The following PCDHGA6 variants were observed in gnomAD, a reference collection of about 807,000 sequenced individuals.
The protein encoded by PCDHGA6 is protocadherin gamma-A6.
Under a neutral mutation model 60.6 loss-of-function variants are expected in PCDHGA6, and 41 were observed. The ratio of observed to expected loss-of-function variants is 0.68; its 90% CI spans 0.53 to 0.88. PCDHGA6 has a LOEUF of 0.88. Among genes scored for constraint, PCDHGA6 ranks in the 40% least tolerant of loss-of-function variants. The pLI is 0.00. For synonymous variants in PCDHGA6, 594 were observed against 524.4 expected (o/e 1.13, Z -1.81); for missense variants, 1,312 against 1,203.0 (o/e 1.09, Z -1.34).
Position 141,432,110 on chromosome 5 carries a change from G to A in PCDHGA6, c.2424+55603G>A. On this transcript the variant is annotated intron_variant, in intron 1 of 3. Coordinates refer to ENST00000517434, the MANE Select transcript of PCDHGA6 (RefSeq NM_018919.3). This position sits in a 1 kb window ranked among gnomAD's most constrained non-coding sequence, Gnocchi z 6.0. ...GGCAGACACCAACGACAACCCGCCG[G>A]TCTTCCCTCAGGCCTCCTATTCCGC... 6.2e-7 allele frequency: 1 copy of A among 1,614,108 alleles called. No individual in the cohort carries two copies. Among genetic ancestry groups the A allele is most frequent in the Non-Finnish European group, 8.5e-7 (1 of 1,180,036 alleles).
In PCDHGA6 at chr5:141,410,139, T is replaced by C. The variant is rs73279096; in HGVS notation, c.2424+33632T>C. ...GCCCGCCAGCGCCTGCTGGTCGCTG[T>C]GCGTGACGGTGGACAGCCGCCACTC... On this transcript the variant is annotated intron_variant, in intron 1 of 3. Coordinates refer to ENST00000517434, the MANE Select transcript of PCDHGA6 (RefSeq NM_018919.3). The C allele has an allele frequency of 1.6e-4, 252 of 1,612,722 alleles. No individual in the cohort carries two copies. In the African/African-American group the frequency reaches 3.0e-3, roughly 19 times the overall value.
Position 141,493,858 on chromosome 5 carries a change from C to A in PCDHGA6, c.2425-949C>A, listed in dbSNP as rs2099750481. Among the ~76,000 whole-genome samples, 1 of 152,184 alleles carries A rather than the reference C, an allele frequency of 6.6e-6. No homozygotes were observed. The highest frequency in any genetic ancestry group is 1.5e-5 in the Non-Finnish European group (1 of 68,030). On this transcript the variant is annotated intron_variant, in intron 1 of 3. Transcript: ENST00000517434. The surrounding 1 kb of genome is among the most constrained non-coding windows in gnomAD (Gnocchi z 4.3). ...AGTATGAGTATTAATTACCAGCCCA[C>A]CCCAGAACCAGTGAGGAGGTGGCTC...
intron 1 of PCDHGA6, chr5:141,394,856 G>T (rs1008039711): frequency 1.2e-6 from 2 of 1,613,674 alleles, no homozygotes; most frequent in African/African-American, 2.7e-5. Context: ...TGAAGCCTTC[G>T]GTCGACCCGA....
chr5:141,397,087 A>G (rs1386683594), intron 1 of PCDHGA6, among the ~76,000 whole-genome samples: 3 of 152,240 alleles, frequency 2.0e-5, no homozygotes, highest in African/African-American at 7.2e-5. Context: ...AAGTCATTTC[A>G]GATAGGATAA....
chr5:141,419,137 CA>C (rs1561778370), intron 1 of PCDHGA6: 1 of 1,613,892 alleles, frequency 6.2e-7, no homozygotes, highest in African/African-American at 1.3e-5. Flanking sequence ...CAGCCACAGA[CA>C]GGGGCAAGCC....
intron 1 of PCDHGA6, chr5:141,395,547 TGTG>T (rs1561655259): frequency 0.04 from 6,887 of 174,198 alleles, 418 homozygotes; most frequent in African/African-American, 0.079. Context: ...ATTGTTTGTG[TGTG>T]TGTGTGTGTG....
At position 141,489,635 on chromosome 5, in the gene PCDHGA6, G is replaced by A. The variant is rs1380466520; in HGVS notation, c.2425-5172G>A. On this transcript the variant is annotated intron_variant, in intron 1 of 3. Coordinates refer to ENST00000517434, the MANE Select transcript of PCDHGA6 (RefSeq NM_018919.3). The surrounding 1 kb of genome is among the most constrained non-coding windows in gnomAD (Gnocchi z 4.5). Reference sequence around the variant, plus strand: ...CTGGATCTCAATGACAACTCTCCTAGCTTTGCCACCCCTGAGCGAGAGATG... The same window carrying A: ...CTGGATCTCAATGACAACTCTCCTAACTTTGCCACCCCTGAGCGAGAGATG... 6.2e-7 allele frequency: 1 copy of A among 1,614,142 alleles called. No individual in the cohort carries two copies. The highest frequency in any genetic ancestry group is 8.5e-7 in the Non-Finnish European group (1 of 1,180,012).
Position 141,453,588 on chromosome 5 carries a change from CTG to C in PCDHGA6, c.2425-41215_2425-41214del, listed in dbSNP as rs572244169. ...TTCATTAGTTTGTGGTTTATCCTCA[CTG>C]TGTTTCTTTTTGCAAAACGCAAAAA... On this transcript the variant is annotated intron_variant, in intron 1 of 3. Coordinates refer to ENST00000517434, the MANE Select transcript of PCDHGA6 (RefSeq NM_018919.3). Among the ~76,000 whole-genome samples the C allele has an allele frequency of 5.9e-5, 9 of 152,296 alleles. No individual in the cohort carries two copies. In the South Asian group the frequency reaches 1.5e-3, roughly 25 times the overall value.
At chr5:141,418,955 G>C in intron 1 of PCDHGA6, 4 of 1,614,050 alleles carry the variant, frequency 2.5e-6, no homozygotes, top group Non-Finnish European at 3.4e-6. Flanking sequence ...AGGAGTGGTT[G>C]TTGCCCTCTT....
intron 1 of PCDHGA6, chr5:141,399,691 C>A: frequency 6.2e-7 from 1 of 1,613,480 alleles, no homozygotes; most frequent in Non-Finnish European, 8.5e-7. Context: ...CGAGCAGCTG[C>A]GCACCTTCGA....
rs74792071 is a variant in PCDHGA6 at position 141,437,248 on chromosome 5, T to C, written c.2425-57559T>C. 4.6e-3 allele frequency among the ~76,000 whole-genome samples: 704 copies of C among 152,360 alleles called. 4 individuals carry two copies. The highest frequency in any genetic ancestry group is 0.015 in the African/African-American group (641 of 41,594). On this transcript the variant is annotated intron_variant, in intron 1 of 3. Transcript: ENST00000517434. ...CATAAAATTATGTCAAGGACTTTCC[T>C]TGTCTTTTTATGTGTATGACAGATG... is the stretch of plus-strand genomic sequence containing the variant.
chr5:141,502,516 A>G (rs947349505), intron 2 of PCDHGA6, among the ~76,000 whole-genome samples: 1 of 152,146 alleles, frequency 6.6e-6, no homozygotes, highest in African/African-American at 2.4e-5. Flanking sequence ...TCCCACTATC[A>G]GTGATGCCGA....
At chr5:141,506,865 G>T (rs1403350484) in intron 3 of PCDHGA6, among the ~76,000 whole-genome samples, 1 of 152,186 alleles carries the variant, frequency 6.6e-6, no homozygotes, top group African/African-American at 2.4e-5. Flanking sequence ...GGACTGGTGG[G>T]TAGAGAACCA....
At position 141,431,359 on chromosome 5, in the gene PCDHGA6, G is replaced by C; in HGVS notation, c.2424+54852G>C. ...CCGAATTGGTGCTGAAACGCGCCCT[G>C]GACCGCGAAGAAAAGGCTGCTCACC... On this transcript the variant is annotated intron_variant, in intron 1 of 3. Coordinates refer to ENST00000517434, the MANE Select transcript of PCDHGA6 (RefSeq NM_018919.3). This position sits in a 1 kb window ranked among gnomAD's most constrained non-coding sequence, Gnocchi z 4.8. The C allele has an allele frequency of 6.2e-7, 1 of 1,614,024 alleles. No homozygotes were observed. Among genetic ancestry groups the C allele is most frequent in the Non-Finnish European group, 8.5e-7 (1 of 1,180,030 alleles).
chr5:141,395,111 T>A, intron 1 of PCDHGA6: 1 of 1,613,670 alleles, frequency 6.2e-7, no homozygotes, highest in Non-Finnish European at 8.5e-7. Flanking sequence ...CGCGGAAGAG[T>A]CACCTGATCT....
chr5:141,414,724 G>A (rs1461729604), intron 1 of PCDHGA6: 48 of 1,614,138 alleles, frequency 3.0e-5, no homozygotes, highest in Non-Finnish European at 3.9e-5. Context: ...AGACACTGGC[G>A]TCCTGTATGC....
At chr5:141,403,378 T>G in intron 1 of PCDHGA6, 5 of 1,614,002 alleles carry the variant, frequency 3.1e-6, no homozygotes, top group Non-Finnish European at 4.2e-6. Context: ...AAGTAAAAAT[T>G]AACGAAATCG....
Position 141,486,589 on chromosome 5 carries a change from C to T in PCDHGA6, c.2425-8218C>T. On this transcript the variant is annotated intron_variant, in intron 1 of 3. Transcript: ENST00000517434. The surrounding 1 kb of genome is among the most constrained non-coding windows in gnomAD (Gnocchi z 5.0). ...TTCCTGAGAACAATCGCCCAGGGGA[C>T]CTGCTTTGCTCCCTTGCAGCCTCTG... 1 of 1,613,676 alleles carries T rather than the reference C, an allele frequency of 6.2e-7. No individual in the cohort carries two copies. Among genetic ancestry groups the T allele is most frequent in the African/African-American group, 1.3e-5 (1 of 75,064 alleles).
At chr5:141,463,955 A>G (rs2154568299) in intron 1 of PCDHGA6, among the ~76,000 whole-genome samples, 1 of 152,288 alleles carries the variant, frequency 6.6e-6, no homozygotes, top group Middle Eastern at 3.4e-3. Flanking sequence ...CTTCATTTTT[A>G]AAATAGCTTC....
Sources: allele counts gnomAD v4.1 joint callset (sites outside exome capture counted in the v4.1 genomes callset), GRCh38; gene constraint gnomAD v4.1.1; non-coding constraint Gnocchi (gnomAD v3.1); transcripts MANE v1.5; gene names NCBI Gene and HGNC (gene_info 2026-07-23, HGNC 2026-07-21).